Variants in CCDC7 observed in about 807,000 individuals in gnomAD.
CCDC7 encodes coiled-coil domain containing 7, also known as coiled-coil domain-containing protein 7.
A neutral mutation model predicts 196.9 loss-of-function variants in CCDC7; 183 were observed. The observed-to-expected ratio is 0.93, with a 90% CI of 0.82 to 1.05. CCDC7 has a LOEUF of 1.05. Ranked by LOEUF, CCDC7 falls within the 50% of genes least tolerant of loss-of-function variation. The pLI, the probability that CCDC7 is intolerant of heterozygous loss-of-function variation, is 0.00. For missense variants in CCDC7, 1,540 were observed against 1,482.2 expected, an observed-to-expected ratio of 1.04 and a Z score of -0.64; for synonymous variants, 525 against 484.6, an observed-to-expected ratio of 1.08 and a Z score of -1.10.
chr10:32,545,905 CAAAAAAAA>C (rs11326989), intron 13 of CCDC7, among the ~76,000 whole-genome samples: 1 of 64,168 alleles, frequency 1.6e-5, no homozygotes. Flanking sequence ...AACTCCGTCT[CAAAAAAAA>C]AAAAAAAAAA....
chr10:32,445,564 A>G (rs1383496602), upstream of CCDC7, among the ~76,000 whole-genome samples: 1 of 152,204 alleles, frequency 6.6e-6, no homozygotes, highest in Non-Finnish European at 1.5e-5. Flanking sequence ...TTCAACTTAA[A>G]GACAAAATTA....
At chr10:32,544,424 CTCTG>C in intron 13 of CCDC7, 123 bp downstream of exon 14, 4 of 890,842 alleles carry the variant, frequency 4.5e-6, no homozygotes, top group Middle Eastern at 2.8e-4. Flanking sequence ...GTGTATGTGT[CTCTG>C]TGTGTGTGTG....
chr10:32,759,742 A>T (rs1300895601), intron 28 of CCDC7, among the ~76,000 whole-genome samples: 1 of 152,332 alleles, frequency 6.6e-6, no homozygotes, highest in South Asian at 2.1e-4. Context: ...AAATTGACAA[A>T]TGGGATCTAA....
intron 32 of CCDC7, among the ~76,000 whole-genome samples, chr10:32,833,931 C>A (rs1432971593): frequency 1.3e-5 from 2 of 152,174 alleles, no homozygotes; most frequent in African/African-American, 4.8e-5. Flanking sequence ...TCTGCTAAGA[C>A]CCAATTTCAC....
intron 18 of CCDC7, among the ~76,000 whole-genome samples, chr10:32,612,892 G>T (rs530225252): frequency 7.5e-4 from 107 of 142,260 alleles, no homozygotes; most frequent in African/African-American, 2.3e-3. Flanking sequence ...TTTTTTTTTT[G>T]TTGTGTCTCT....
intron 32 of CCDC7, among the ~76,000 whole-genome samples, chr10:32,828,552 G>GAAGAAGA (rs1565635826): frequency 6.8e-6 from 1 of 147,890 alleles, no homozygotes; most frequent in African/African-American, 2.5e-5. Flanking sequence ...AGAAGAAGAA[G>GAAGAAGA]AAGAAGAAAG....
At chr10:32,729,039 T>C (rs1434874960) in intron 27 of CCDC7, 42 bp downstream of exon 28, 1 of 1,317,518 alleles carries the variant, frequency 7.6e-7, no homozygotes, top group Non-Finnish European at 1.1e-6. Flanking sequence ...TATTTTATGT[T>C]GAACTCATCA....
chr10:32,568,919 A>G (rs570245962), intron 15 of CCDC7, among the ~76,000 whole-genome samples: 1 of 152,340 alleles, frequency 6.6e-6, no homozygotes, highest in Admixed American at 6.5e-5. Flanking sequence ...TTGCTTGTCT[A>G]TATGGCTGCA....
chr10:32,735,029 A>G (rs2084629946), intron 28 of CCDC7, among the ~76,000 whole-genome samples: 1 of 151,888 alleles, frequency 6.6e-6, no homozygotes, highest in Non-Finnish European at 1.5e-5. Flanking sequence ...ATAAGTATTT[A>G]CACAGTCTTT....
At chr10:32,492,686 A>AG (rs1368239132) in intron 9 of CCDC7, among the ~76,000 whole-genome samples, 1 of 151,926 alleles carries the variant, frequency 6.6e-6, no homozygotes, top group Non-Finnish European at 1.5e-5. Context: ...GGGGTACAGG[A>AG]GGGGGAAATG....
intron 3 of CCDC7, among the ~76,000 whole-genome samples, chr10:32,461,718 T>C (rs1206948469): frequency 3.0e-5 from 1 of 33,362 alleles, no homozygotes; most frequent in Non-Finnish European, 7.9e-5. Flanking sequence ...TGTATATATA[T>C]ATATATATAT....
intron 16 of CCDC7, among the ~76,000 whole-genome samples, chr10:32,579,059 A>C (rs1347154731): frequency 3.3e-5 from 5 of 152,188 alleles, no homozygotes; most frequent in African/African-American, 9.7e-5. Context: ...AGGATTATTA[A>C]AGGTATATGT....
At chr10:32,613,010 C>G (rs539236003) in intron 18 of CCDC7, among the ~76,000 whole-genome samples, 2 of 152,136 alleles carry the variant, frequency 1.3e-5, no homozygotes, top group East Asian at 1.9e-4. Context: ...ACTAGCTCCT[C>G]TTTGTACCTC....
chr10:32,759,210 C>A (rs1324168408), intron 28 of CCDC7, among the ~76,000 whole-genome samples: 2 of 152,172 alleles, frequency 1.3e-5, no homozygotes, highest in Non-Finnish European at 2.9e-5. Context: ...ATCAAGCTAC[C>A]AATGACTTTC....
intron 5 of CCDC7, 71 bp downstream of exon 6, chr10:32,463,120 AT>A: frequency 6.3e-7 from 1 of 1,577,088 alleles, no homozygotes; most frequent in Non-Finnish European, 8.6e-7. Flanking sequence ...TGGATTATGT[AT>A]AAGTTAAGTA....
At chr10:32,565,464 G>A in intron 13 of CCDC7, 94 bp from the exon 15 acceptor site, 2 of 1,258,188 alleles carry the variant, frequency 1.6e-6, no homozygotes, top group East Asian at 2.6e-5. Context: ...TCTTATCTTG[G>A]GTATCTATGG....
intron 20 of CCDC7, among the ~76,000 whole-genome samples, chr10:32,646,094 A>G (rs1029955469): frequency 8.1e-6 from 1 of 122,966 alleles, no homozygotes; most frequent in Admixed American, 8.1e-5. Context: ...TTTTTTTTTT[A>G]GTTCTTTGAG....
At chr10:32,827,442 C>T (rs999168942) in intron 32 of CCDC7, among the ~76,000 whole-genome samples, 15 of 152,186 alleles carry the variant, frequency 9.9e-5, no homozygotes, top group African/African-American at 3.6e-4. Context: ...GTTTGCCTAT[C>T]TTGCATGCAA....
chr10:32,601,106 G>A (rs1337906385), intron 18 of CCDC7, among the ~76,000 whole-genome samples: 1 of 152,040 alleles, frequency 6.6e-6, no homozygotes, highest in African/African-American at 2.4e-5. Context: ...TGTATGTGAT[G>A]AGTCAAGACT....
Sources: gnomAD v4.1 joint callset for allele counts (sites outside exome capture counted in the v4.1 genomes callset) on GRCh38, gnomAD v4.1.1 for gene constraint, MANE v1.5 for transcripts, NCBI Gene and HGNC (gene_info 2026-07-23, HGNC 2026-07-21) for gene names.